Variants in CCDC93 observed in about 807,000 individuals in gnomAD.
The protein encoded by CCDC93 is coiled-coil domain-containing protein 93.
A neutral mutation model predicts 108.2 loss-of-function variants in CCDC93; 61 were observed. The ratio of observed to expected loss-of-function variants is 0.56; its 90% CI spans 0.46 to 0.70. CCDC93 has a LOEUF of 0.70. Ranked by LOEUF, CCDC93 falls within the 30% of genes least tolerant of loss-of-function variation. The pLI, the probability that CCDC93 is intolerant of heterozygous loss-of-function variation, is 0.00. For missense variants in CCDC93, 685 were observed against 764.2 expected (o/e 0.90, Z 1.22); for synonymous variants, 276 against 260.4 (o/e 1.06, Z -0.58).
Position 117,917,822 on chromosome 2 carries a change from G to C in CCDC93, c.*2521C>G, listed in dbSNP as rs1047354646. 1 of 152,346 alleles carries C rather than the reference G, an allele frequency of 6.6e-6. No individual in the cohort carries two copies. Among genetic ancestry groups the C allele is most frequent in the African/African-American group, 2.4e-5 (1 of 41,456 alleles). The allele number at this position is 152,346 out of a possible 1,614,324, so 9.4% of individuals were successfully genotyped here. A position where few individuals can be genotyped will look rare whatever the true frequency, so the allele number is the denominator to read the frequency against. ...CCATGTACTCCATAAGAAGCAAGAA[G>C]TGGGAGGGAGCCCCCAACCCAGAGG... On this transcript the variant is annotated 3_prime_UTR_variant, in exon 24 of 24. Coordinates refer to ENST00000376300, the MANE Select transcript of CCDC93 (RefSeq NM_019044.5).
At chr2:117,921,075 G>A (rs1677848553) in intron 23 of CCDC93, among the ~76,000 whole-genome samples, 1 of 151,608 alleles carries the variant, frequency 6.6e-6, no homozygotes, top group South Asian at 2.1e-4. Context: ...TACTCAGGAG[G>A]CTGAGGCAGG....
At chr2:117,971,951 C>T (rs1234848021) in intron 11 of CCDC93, among the ~76,000 whole-genome samples, 1 of 152,230 alleles carries the variant, frequency 6.6e-6, no homozygotes, top group Non-Finnish European at 1.5e-5. Flanking sequence ...TTGACACCTC[C>T]GCTTCTCCAT....
intron 11 of CCDC93, among the ~76,000 whole-genome samples, chr2:117,968,043 T>C (rs1002504642): frequency 6.6e-5 from 10 of 152,210 alleles, no homozygotes; most frequent in Middle Eastern, 3.2e-3. Context: ...TCTAGAGCTA[T>C]AAAATATTCA....
intron 1 of CCDC93, among the ~76,000 whole-genome samples, chr2:118,013,423 C>T (rs1361839578): frequency 6.6e-6 from 1 of 152,214 alleles, no homozygotes; most frequent in Non-Finnish European, 1.5e-5. Context: ...CCCGCCGCCC[C>T]GGCCCGGGTC....
At chr2:117,936,388 C>A (rs1678526452) in intron 21 of CCDC93, 1 of 254,398 alleles carries the variant, frequency 3.9e-6, no homozygotes, top group Non-Finnish European at 7.4e-6. Context: ...TTTAAAGCAT[C>A]TCTATGTGTT....
chr2:117,952,493 G>T, intron 12 of CCDC93, 58 bp from the exon 13 acceptor site: 1 of 1,220,476 alleles, frequency 8.2e-7, no homozygotes, highest in Non-Finnish European at 1.2e-6. Flanking sequence ...CAACACAGAT[G>T]TGAATTTCAC....
chr2:117,959,387 G>A (rs1223260477), intron 11 of CCDC93, among the ~76,000 whole-genome samples: 2 of 152,182 alleles, frequency 1.3e-5, no homozygotes, highest in Non-Finnish European at 2.9e-5. Flanking sequence ...CTTATAGTAA[G>A]TACCCCAATT....
In CCDC93 at chr2:117,958,409, A is replaced by C. The variant is rs1226908460; in HGVS notation, c.961T>G (p.Ser321Ala). 1 of 1,613,814 alleles carries C rather than the reference A, an allele frequency of 6.2e-7. No individual in the cohort carries two copies. Among genetic ancestry groups the C allele is most frequent in the Admixed American group, 1.7e-5 (1 of 60,012 alleles). ...TTTTGCGCAATCTGTTTGTTCAAGG[A>C]AATGACTTTCCGGCGATGTAGCTGG... ...TSQLHRRKVI[S>A]LNKQIAQKTK... The change falls in exon 12 of 24, where the codon TCC (serine) becomes GCC (alanine). Residue 321 changes from serine (S) to alanine (A), a missense_variant. Ser to Ala is a moderately conservative substitution (Grantham distance 99). Transcript: ENST00000376300.
chr2:117,968,630 C>T (rs1679663813), intron 11 of CCDC93, among the ~76,000 whole-genome samples: 1 of 152,150 alleles, frequency 6.6e-6, no homozygotes. Context: ...TGAACTTTAC[C>T]AGTAAAAGAG....
At chr2:117,991,716 A>G (rs546915443) in intron 6 of CCDC93, among the ~76,000 whole-genome samples, 69 of 152,318 alleles carry the variant, frequency 4.5e-4, no homozygotes, top group South Asian at 1.7e-3. Context: ...CTATTTTATA[A>G]AACGCTGGGT....
chr2:117,972,661 G>T (rs184786538), intron 11 of CCDC93, among the ~76,000 whole-genome samples: 1 of 151,806 alleles, frequency 6.6e-6, no homozygotes, highest in African/African-American at 2.4e-5. Flanking sequence ...GGCAACATAA[G>T]GGCGGGTATA....
intron 23 of CCDC93, chr2:117,930,768 A>C: frequency 3.5e-6 from 1 of 286,600 alleles, no homozygotes. Flanking sequence ...TGATGGAGTC[A>C]TTTTGTGAGT....
In CCDC93 at chr2:117,961,294, T is replaced by C. The variant is rs1679383918; in HGVS notation, c.889-2813A>G. On this transcript the variant is annotated intron_variant, in intron 11 of 23. Coordinates refer to ENST00000376300, the MANE Select transcript of CCDC93 (RefSeq NM_019044.5). ...ACCTCTACCATATCTGTTATAGTAGTATATGTTCCAAGGAAACATGAGCTT... is the reference window on the plus strand; with the variant it reads ...ACCTCTACCATATCTGTTATAGTAGCATATGTTCCAAGGAAACATGAGCTT... Among the ~76,000 whole-genome samples, 7 of 152,358 alleles carry C rather than the reference T, an allele frequency of 4.6e-5. 1 individual carries two copies. In the South Asian group the frequency reaches 1.5e-3, roughly 32 times the overall value.
intron 6 of CCDC93, among the ~76,000 whole-genome samples, chr2:117,994,698 T>C (rs1352408308): frequency 2.0e-5 from 3 of 152,246 alleles, no homozygotes; most frequent in Non-Finnish European, 4.4e-5. Flanking sequence ...ACATCTGATA[T>C]TTCATTTGGG....
Position 117,948,125 on chromosome 2 carries a change from C to G in CCDC93, c.1204G>C (p.Glu402Gln), listed in dbSNP as rs1016389201. Reference sequence around the variant, plus strand: ...CTTACTCGACAATGTGCTTTAAATTCCTGTTCTTGACTTTTCAGATTTTCA... The same window carrying G: ...CTTACTCGACAATGTGCTTTAAATTGCTGTTCTTGACTTTTCAGATTTTCA... ...MNENLKSQEQEFKAHCREEMT... is the reference protein window; with the variant it reads ...MNENLKSQEQQFKAHCREEMT... The change falls in exon 15 of 24, where the codon GAA becomes CAA. Residue 402 changes from glutamate to glutamine, a missense_variant. Coordinates refer to ENST00000376300, the MANE Select transcript of CCDC93 (RefSeq NM_019044.5). 5 of 1,613,490 alleles carry G rather than the reference C, an allele frequency of 3.1e-6. No individual in the cohort carries two copies. The highest frequency in any genetic ancestry group is 1.7e-5 in the Admixed American group (1 of 59,996).
chr2:117,958,280 C>G, intron 12 of CCDC93, 85 bp downstream of exon 12: 1 of 844,530 alleles, frequency 1.2e-6, no homozygotes, highest in Non-Finnish European at 2.0e-6. Flanking sequence ...CCAAGCACCA[C>G]AGTATGCCAA....
chr2:117,936,868 T>C, intron 20 of CCDC93, 129 bp from the exon 21 acceptor site: 1 of 745,304 alleles, frequency 1.3e-6, no homozygotes, highest in Admixed American at 2.1e-5. Flanking sequence ...TTTATGAAGA[T>C]TAAAGTAACA....
At chr2:117,974,801 C>G in intron 10 of CCDC93, 49 bp downstream of exon 10, 1 of 1,414,352 alleles carries the variant, frequency 7.1e-7, no homozygotes, top group East Asian at 2.5e-5. Flanking sequence ...CCCAGCAGAG[C>G]AGGGTGGTGC....
chr2:117,928,051 A>C (rs1678183790), intron 23 of CCDC93, among the ~76,000 whole-genome samples: 1 of 151,934 alleles, frequency 6.6e-6, no homozygotes, highest in African/African-American at 2.4e-5. Context: ...AAAACTGGCT[A>C]GCCATTATGT....
Sources: gnomAD v4.1 joint callset for allele counts (sites outside exome capture counted in the v4.1 genomes callset) on GRCh38, gnomAD v4.1.1 for gene constraint, MANE v1.5 for transcripts, NCBI Gene and HGNC (gene_info 2026-07-23, HGNC 2026-07-21) for gene names.